Variants in DAB2IP observed in about 807,000 individuals in gnomAD.
The protein encoded by DAB2IP is disabled homolog 2-interacting protein.
DAB2IP carries 28 observed loss-of-function variants against 107.2 expected under a neutral mutation model. The observed-to-expected ratio is 0.26, with a 90% confidence interval of 0.19 to 0.36. DAB2IP has a LOEUF of 0.36. DAB2IP is among the 10% of genes least tolerant of loss of function. DAB2IP has a pLI of 1.00. For synonymous variants in DAB2IP, 755 were observed against 706.4 expected, an observed-to-expected ratio of 1.07 and a Z score of -1.09; for missense variants, 1,400 against 1,644.7, an observed-to-expected ratio of 0.85 and a Z score of 2.57.
intron 1 of DAB2IP, among the ~76,000 whole-genome samples, chr9:121,645,245 G>A (rs1016813745): frequency 1.3e-5 from 2 of 152,206 alleles, no homozygotes; most frequent in African/African-American, 4.8e-5. Flanking sequence ...AGAGAGAGTG[G>A]CTCCAGGCTT....
At chr9:121,720,624 G>A (rs1830873267) in intron 3 of DAB2IP, among the ~76,000 whole-genome samples, 1 of 152,146 alleles carries the variant, frequency 6.6e-6, no homozygotes, top group African/African-American at 2.4e-5. Context: ...TGGGCAGTGA[G>A]CACACCCTGG....
intron 3 of DAB2IP, among the ~76,000 whole-genome samples, chr9:121,732,785 TTTCTGTGCTTCTGCTTCA>T (rs1432953252): frequency 2.0e-5 from 3 of 152,230 alleles, no homozygotes; most frequent in Non-Finnish European, 2.9e-5. Context: ...TTTTCCAACC[TTTCTGTGCTTCTGCTTCA>T]TTTTTAGTAA....
intron 1 of DAB2IP, among the ~76,000 whole-genome samples, chr9:121,570,279 A>G (rs899925732): frequency 6.6e-6 from 1 of 151,166 alleles, no homozygotes; most frequent in Non-Finnish European, 1.5e-5. Flanking sequence ...TGCCCAGCTA[A>G]TTTTTTGTAT....
chr9:121,648,676 G>A (rs891700255), upstream of DAB2IP, among the ~76,000 whole-genome samples: 1 of 152,212 alleles, frequency 6.6e-6, no homozygotes, highest in Admixed American at 6.5e-5. Context: ...TGTTCACTGA[G>A]TGAAGGTGAT....
At position 121,599,748 on chromosome 9, in the gene DAB2IP, G is replaced by T. The variant is rs1283447200; in HGVS notation, c.40+32520G>T. ...GCCTTTGGGATGGCAGCGCCCAGCG[G>T]CCCGGCCCGCGCGTAGAGGTAAAAG... On this transcript the variant is annotated intron_variant, in intron 1 of 16. Transcript: ENST00000259371. The surrounding 1 kb of genome is among the most constrained non-coding windows in gnomAD (Gnocchi z 6.9). 6.6e-6 allele frequency among the ~76,000 whole-genome samples: 1 copy of T among 152,056 alleles called. No individual in the cohort carries two copies. Among genetic ancestry groups the T allele is most frequent in the African/African-American group, 2.4e-5 (1 of 41,420 alleles).
intron 3 of DAB2IP, among the ~76,000 whole-genome samples, chr9:121,732,481 G>A (rs190460629): frequency 9.2e-4 from 140 of 152,246 alleles, no homozygotes; most frequent in African/African-American, 3.2e-3. Flanking sequence ...GAGGTAGCCA[G>A]ATGGGTAGGA....
intron 1 of DAB2IP, among the ~76,000 whole-genome samples, chr9:121,580,480 C>T (rs1830166473): frequency 6.6e-6 from 1 of 152,114 alleles, no homozygotes; most frequent in Non-Finnish European, 1.5e-5. Flanking sequence ...AGGAGACCAG[C>T]CTGGGCAACA....
chr9:121,774,347 C>T, exon 13 of DAB2IP: 1 of 1,613,330 alleles, frequency 6.2e-7, no homozygotes, highest in Non-Finnish European at 8.5e-7. Flanking sequence ...AGACGAGGGC[C>T]TGGGCCCAGA....
chr9:121,772,730 G>A lies in DAB2IP; in HGVS notation c.2202G>A (p.Glu734=), dbSNP rs755454998. The A allele has an allele frequency of 4.3e-6, 7 of 1,614,044 alleles. No homozygotes were observed. Among genetic ancestry groups the A allele is most frequent in the Non-Finnish European group, 5.9e-6 (7 of 1,180,012 alleles). Residue 734 remains glutamate (E), a synonymous_variant, in exon 12 of 16, where the codon GAG becomes GAA. Transcript: ENST00000408936. This position sits in a 1 kb window ranked among gnomAD's most constrained non-coding sequence, Gnocchi z 4.7. ...GCTCGAGTTACTCGGAAGCCAACGAGCCTGATCTTCAGATGGCCAACGGTG... is the reference window on the plus strand; with the variant it reads ...GCTCGAGTTACTCGGAAGCCAACGAACCTGATCTTCAGATGGCCAACGGTG...
chr9:121,631,698 C>T (rs1394796433), intron 1 of DAB2IP, among the ~76,000 whole-genome samples: 3 of 151,790 alleles, frequency 2.0e-5, no homozygotes, highest in African/African-American at 7.3e-5. Flanking sequence ...TGCCTGTAGC[C>T]CCAGCTACTT....
intron 1 of DAB2IP, among the ~76,000 whole-genome samples, chr9:121,612,259 T>C (rs1589406778): frequency 6.6e-6 from 1 of 152,036 alleles, no homozygotes; most frequent in Non-Finnish European, 1.5e-5. Flanking sequence ...AGGTTGAGGC[T>C]GCAGCGAGCC....
At chr9:121,706,479 C>T (rs1830063402) in intron 3 of DAB2IP, among the ~76,000 whole-genome samples, 1 of 152,188 alleles carries the variant, frequency 6.6e-6, no homozygotes, top group African/African-American at 2.4e-5. Flanking sequence ...GTGGAGTCAC[C>T]TGTGGCCCAT....
At chr9:121,575,569 T>C (rs1287437232) in intron 1 of DAB2IP, among the ~76,000 whole-genome samples, 1 of 152,150 alleles carries the variant, frequency 6.6e-6, no homozygotes, top group African/African-American at 2.4e-5. Flanking sequence ...CTTCAAGTAA[T>C]GTGGCCTGAC....
chr9:121,697,646 G>T (rs1000210265), intron 2 of DAB2IP, among the ~76,000 whole-genome samples: 12 of 152,172 alleles, frequency 7.9e-5, no homozygotes, highest in Admixed American at 7.9e-4. Flanking sequence ...TATTTGTGGC[G>T]GCTGATTAGA....
intron 4 of DAB2IP, 139 bp from the exon 5 acceptor site, chr9:121,758,759 C>A: frequency 1.4e-6 from 1 of 716,460 alleles, no homozygotes. Flanking sequence ...GTCATATGAG[C>A]CTTGTCCTGG....
At chr9:121,765,235 A>G (rs1431547100) in intron 8 of DAB2IP, among the ~76,000 whole-genome samples, 1 of 151,938 alleles carries the variant, frequency 6.6e-6, no homozygotes, top group Non-Finnish European at 1.5e-5. Flanking sequence ...TGGGCATGTG[A>G]CTCAGGGAAA....
At chr9:121,763,403 C>T (rs951564526) in intron 6 of DAB2IP, 102 bp from the exon 7 acceptor site, 20 of 1,469,312 alleles carry the variant, frequency 1.4e-5, no homozygotes, top group Non-Finnish European at 1.8e-6. Context: ...GGTGATGGAA[C>T]AGCCTCAAAA....
rs1478602893 is a variant in DAB2IP at position 121,635,877 on chromosome 9, G to C, written c.41-42801G>C. On this transcript the variant is annotated intron_variant, in intron 1 of 16. Transcript: ENST00000259371. This position sits in a 1 kb window ranked among gnomAD's most constrained non-coding sequence, Gnocchi z 4.3. ...ACCCTGCTGCAGAGGACCTTCCCAA[G>C]GGACAGTCCCCTGTTTAGATGTCTT... 6.6e-6 allele frequency among the ~76,000 whole-genome samples: 1 copy of C among 150,628 alleles called. No homozygotes were observed. The highest frequency in any genetic ancestry group is 1.5e-5 in the Non-Finnish European group (1 of 67,850).
chr9:121,625,069 C>G (rs1375372393), intron 1 of DAB2IP, among the ~76,000 whole-genome samples: 1 of 152,132 alleles, frequency 6.6e-6, no homozygotes, highest in African/African-American at 2.4e-5. Flanking sequence ...TGGCAGTCAG[C>G]CCCTCTGTGA....
Sources: allele counts gnomAD v4.1 joint callset (sites outside exome capture counted in the v4.1 genomes callset), GRCh38; gene constraint gnomAD v4.1.1; non-coding constraint Gnocchi (gnomAD v3.1); transcripts MANE v1.5; gene names NCBI Gene and HGNC (gene_info 2026-07-23, HGNC 2026-07-21).